The following ANKFN1 variants were observed in gnomAD, a reference collection of about 807,000 sequenced individuals.
ANKFN1 encodes the protein ankyrin repeat and fibronectin type III domain containing 1.
ANKFN1 carries 74 observed loss-of-function variants against 108.7 expected under a neutral mutation model. The ratio of observed to expected loss-of-function variants is 0.68; its 90% confidence interval spans 0.56 to 0.83. The LOEUF (loss-of-function observed/expected upper bound fraction) is 0.83, where lower values mean the gene tolerates loss of function less well. ANKFN1 is among the 40% of genes least tolerant of loss of function. The pLI is 0.00. For missense variants in ANKFN1, 1,505 were observed against 1,382.3 expected, an observed-to-expected ratio of 1.09 and a Z score of -1.41; for synonymous variants, 547 against 516.2, an observed-to-expected ratio of 1.06 and a Z score of -0.81.
At chr17:56,381,153 C>G (rs1283457944) in intron 8 of ANKFN1, among the ~76,000 whole-genome samples, 1 of 152,192 alleles carries the variant, frequency 6.6e-6, no homozygotes, top group Non-Finnish European at 1.5e-5. Context: ...TCTGCAGCCA[C>G]CGCTGCTGAT....
chr17:56,198,071 A>G (rs1480743851), intron 1 of ANKFN1, among the ~76,000 whole-genome samples: 5 of 152,210 alleles, frequency 3.3e-5, no homozygotes, highest in Non-Finnish European at 7.3e-5. Context: ...CACATTCCTT[A>G]TGAGAGTCTA....
intron 1 of ANKFN1, among the ~76,000 whole-genome samples, chr17:56,188,542 T>G (rs1912477730): frequency 1.5e-5 from 1 of 68,672 alleles, no homozygotes; most frequent in African/African-American, 9.7e-5. Context: ...AAATAAGATG[T>G]ATATGTGTGT....
At chr17:56,369,952 A>G (rs2046765468) in intron 6 of ANKFN1, among the ~76,000 whole-genome samples, 1 of 152,194 alleles carries the variant, frequency 6.6e-6, no homozygotes, top group Non-Finnish European at 1.5e-5. Flanking sequence ...TCAATTTTTG[A>G]AAACACTTTC....
chr17:56,399,429 A>T (rs1421232485), intron 8 of ANKFN1, among the ~76,000 whole-genome samples: 1 of 147,404 alleles, frequency 6.8e-6, no homozygotes, highest in Non-Finnish European at 1.5e-5. Flanking sequence ...ACACAGGCTC[A>T]TTTTTTTTTT....
chr17:56,485,628 C>G (rs2145391998), intron 18 of ANKFN1, among the ~76,000 whole-genome samples: 1 of 152,172 alleles, frequency 6.6e-6, no homozygotes, highest in East Asian at 1.9e-4. Context: ...AGTGGTCATC[C>G]CCCTAAAAAA....
At chr17:56,169,607 G>A (rs1429788580) in intron 1 of ANKFN1, among the ~76,000 whole-genome samples, 4 of 152,156 alleles carry the variant, frequency 2.6e-5, no homozygotes, top group African/African-American at 9.7e-5. Context: ...CACCAAGTGA[G>A]AAGGAAAGGG....
intron 3 of ANKFN1, among the ~76,000 whole-genome samples, chr17:56,305,338 T>C (rs2044790740): frequency 6.6e-6 from 1 of 152,202 alleles, no homozygotes; most frequent in South Asian, 2.1e-4. Context: ...CCATATCGTA[T>C]GGCTTGAAAA....
At position 56,112,791 on chromosome 17, in the gene ANKFN1, A is replaced by G. The variant is rs1294266393; in HGVS notation, c.288+66466A>G. Among the ~76,000 whole-genome samples the G allele has an allele frequency of 3.3e-5, 5 of 152,160 alleles. No individual in the cohort carries two copies. The East Asian group carries it at 5.8e-4, about 18-fold the overall frequency. ...TAAACATTGTATAGTGTTCCATTCT[A>G]TAGATTGCAATGGTTTATTTAACTT... On this transcript the variant is annotated intron_variant, in intron 4 of 12. Transcript: ENST00000635860.
chr17:56,505,188 C>T (rs557659400), intron 20 of ANKFN1, among the ~76,000 whole-genome samples: 2 of 152,268 alleles, frequency 1.3e-5, no homozygotes, highest in South Asian at 4.2e-4. Context: ...GCAAAATTAT[C>T]TGGGTGATTG....
At chr17:56,286,811 G>T (rs767173279) in intron 3 of ANKFN1, among the ~76,000 whole-genome samples, 2 of 152,010 alleles carry the variant, frequency 1.3e-5, no homozygotes, top group Admixed American at 6.6e-5. Flanking sequence ...ATATGATATG[G>T]CATCTATACA....
chr17:56,204,970 G>A (rs1210832643), intron 1 of ANKFN1, among the ~76,000 whole-genome samples: 1 of 152,126 alleles, frequency 6.6e-6, no homozygotes, highest in Non-Finnish European at 1.5e-5. Flanking sequence ...CAGCTACTCG[G>A]GAGGCTGAGG....
At chr17:56,076,593 G>A (rs189014905) in intron 4 of ANKFN1, among the ~76,000 whole-genome samples, 19 of 152,220 alleles carry the variant, frequency 1.2e-4, no homozygotes, top group East Asian at 5.8e-4. Context: ...TGACTCTGCC[G>A]CTTACTGTGT....
intron 4 of ANKFN1, among the ~76,000 whole-genome samples, chr17:56,079,979 T>C (rs1905226529): frequency 6.6e-6 from 1 of 152,080 alleles, no homozygotes; most frequent in African/African-American, 2.4e-5. Context: ...AAAGGAACAG[T>C]TGGGCAAGTC....
chr17:56,348,352 A>G (rs939923784), intron 4 of ANKFN1, among the ~76,000 whole-genome samples: 1 of 152,102 alleles, frequency 6.6e-6, no homozygotes, highest in African/African-American at 2.4e-5. Flanking sequence ...GACATTACTA[A>G]GATTGACTAA....
At chr17:56,140,178 T>C (rs1292411273) in intron 4 of ANKFN1, among the ~76,000 whole-genome samples, 1 of 152,254 alleles carries the variant, frequency 6.6e-6, no homozygotes, top group Non-Finnish European at 1.5e-5. Flanking sequence ...TCAATGGCAC[T>C]GCTGTTTCCT....
intron 3 of ANKFN1, among the ~76,000 whole-genome samples, chr17:56,287,505 C>G (rs2044250106): frequency 6.6e-6 from 1 of 152,080 alleles, no homozygotes. Flanking sequence ...CAAACAGCAC[C>G]TAAGAAGTTA....
chr17:56,435,748 G>GT (rs11424978), intron 8 of ANKFN1, among the ~76,000 whole-genome samples: 82,142 of 149,564 alleles, frequency 0.55, 26,783 homozygotes, highest in East Asian at 0.92. Flanking sequence ...TTTATGAGGT[G>GT]TTTTTTTTTT....
At chr17:56,380,256 C>G (rs529733145) in intron 8 of ANKFN1, among the ~76,000 whole-genome samples, 1 of 152,078 alleles carries the variant, frequency 6.6e-6, no homozygotes, top group Non-Finnish European at 1.5e-5. Flanking sequence ...CATTTAGTTG[C>G]GGGACAGTAG....
intron 8 of ANKFN1, among the ~76,000 whole-genome samples, chr17:56,417,624 C>T (rs1379800610): frequency 6.6e-6 from 1 of 152,156 alleles, no homozygotes; most frequent in Non-Finnish European, 1.5e-5. Context: ...CTTTTTTCTA[C>T]CCATTTTGTT....
Sources: allele counts gnomAD v4.1 joint callset (sites outside exome capture counted in the v4.1 genomes callset), GRCh38; gene constraint gnomAD v4.1.1; transcripts MANE v1.5; gene names NCBI Gene and HGNC (gene_info 2026-07-23, HGNC 2026-07-21).